Variants in CEP250 observed in about 807,000 individuals in gnomAD.
CEP250 encodes centrosome-associated protein CEP250.
Under a neutral mutation model 315.7 loss-of-function variants are expected in CEP250, and 242 were observed. The observed-to-expected ratio is 0.77, with a 90% CI of 0.69 to 0.85. CEP250 has a LOEUF of 0.85. Ranked by LOEUF, CEP250 falls within the 40% of genes least tolerant of loss-of-function variation. The pLI, the probability that CEP250 is intolerant of heterozygous loss-of-function variation, is 0.00. For synonymous variants in CEP250, 1,088 were observed against 1,175.0 expected (o/e 0.93, Z 1.51); for missense variants, 2,515 against 2,886.4 (o/e 0.87, Z 2.95).
chr20:35,458,966 C>CTTTTTTTTTTTTT lies in CEP250; in HGVS notation c.-227+608_-227+620dup, dbSNP rs778598883. 8.4e-5 allele frequency among the ~76,000 whole-genome samples: 5 copies of CTTTTTTTTTTTTT among 59,228 alleles called. 1 individual carries two copies. Among genetic ancestry groups the CTTTTTTTTTTTTT allele is most frequent in the African/African-American group, 3.8e-4 (5 of 13,286 alleles). 38.9% of individuals were successfully genotyped at this position (59,228 alleles called of 152,430 possible). ...ATGGTATATTTGCTATAATGCAAAT[C>CTTTTTTTTTTTTT]TTTTTTTTTTTTTTTTTTTTTTTTT... is the stretch of plus-strand genomic sequence containing the variant. On this transcript the variant is annotated intron_variant, in intron 2 of 34. Transcript: ENST00000397527.
chr20:35,489,585 T>A (rs2063625642), intron 20 of CEP250, among the ~76,000 whole-genome samples: 1 of 152,142 alleles, frequency 6.6e-6, no homozygotes, highest in African/African-American at 2.4e-5. Context: ...GATTAAAGAT[T>A]CTCCACCCAG....
intron 12 of CEP250, 105 bp downstream of exon 12, chr20:35,472,936 C>T (rs2063061904): frequency 8.7e-7 from 1 of 1,146,236 alleles, no homozygotes; most frequent in East Asian, 2.4e-5. Flanking sequence ...CTTTTTTGAC[C>T]AGTCATGAGG....
In CEP250 at chr20:35,510,063, TG is replaced by T. The variant is rs769065638; in HGVS notation, c.7065+11del. On this transcript the variant is annotated intron_variant, in intron 34 of 34. Transcript: ENST00000397527. ...CTGAACTGCAGAAAGAGGTATGTTC[TG>T]GATTTTCTAAGCCCATATTCCCTCC... 7.4e-6 allele frequency: 12 copies of T among 1,613,800 alleles called. No individual in the cohort carries two copies. The highest frequency in any genetic ancestry group is 1.6e-4 in the Middle Eastern group (1 of 6,066).
chr20:35,496,840 C>T, intron 25 of CEP250, 125 bp downstream of exon 25: 1 of 1,074,646 alleles, frequency 9.3e-7, no homozygotes, highest in South Asian at 1.8e-5. Context: ...ACAGGATAGG[C>T]TGGTGCCTCA....
chr20:35,491,487 G>A (rs2063692928), intron 22 of CEP250, 141 bp downstream of exon 22: 1 of 946,262 alleles, frequency 1.1e-6, no homozygotes, highest in Non-Finnish European at 1.6e-6. Flanking sequence ...GTATGGCACA[G>A]GCTGGGCAGG....
intron 30 of CEP250, among the ~76,000 whole-genome samples, chr20:35,505,419 G>T (rs59777799): frequency 6.6e-6 from 1 of 152,118 alleles, no homozygotes; most frequent in East Asian, 1.9e-4. Flanking sequence ...TTGGGAAGCC[G>T]AGGCGGGCAG....
chr20:35,518,766 C>T lies in CEP250; in HGVS notation c.*7140C>T, dbSNP rs2064454818. The T allele has an allele frequency of 6.6e-6, 1 of 152,162 alleles. No homozygotes were observed. Among genetic ancestry groups the T allele is most frequent in the Non-Finnish European group, 1.5e-5 (1 of 68,044 alleles). The allele number at this position is 152,162 out of a possible 1,614,324, so 9.4% of individuals were successfully genotyped here. A position where few individuals can be genotyped will look rare whatever the true frequency, so the allele number is the denominator to read the frequency against. ...AAAAATCAGGCTGAGTGCAGTGGCT[C>T]ACGCCTGTAATCCTAGCACTTGTGG... On this transcript the variant is annotated 3_prime_UTR_variant, in exon 35 of 35. Coordinates refer to ENST00000397527, the MANE Select transcript of CEP250 (RefSeq NM_007186.6).
At position 35,514,384 on chromosome 20, in the gene CEP250, C is replaced by T. The variant is rs563990909; in HGVS notation, c.*2758C>T. 3 of 152,410 alleles carry T rather than the reference C, an allele frequency of 2.0e-5. No individual in the cohort carries two copies. In the South Asian group the frequency reaches 6.2e-4, roughly 32 times the overall value. 9.4% of individuals were successfully genotyped at this position (152,410 alleles called of 1,614,324 possible). On this transcript the variant is annotated 3_prime_UTR_variant, in exon 35 of 35. Coordinates refer to ENST00000397527, the MANE Select transcript of CEP250 (RefSeq NM_007186.6). Reference sequence around the variant, plus strand: ...CTTGCAGAAAACTTTTTTCCCCCTTCCTAATCTTGTCTGCTTTGATAGAAG... The same window carrying T: ...CTTGCAGAAAACTTTTTTCCCCCTTTCTAATCTTGTCTGCTTTGATAGAAG...
At chr20:35,482,819 C>T (rs1375888391) in intron 20 of CEP250, among the ~76,000 whole-genome samples, 1 of 152,090 alleles carries the variant, frequency 6.6e-6, no homozygotes, top group Non-Finnish European at 1.5e-5. Flanking sequence ...ACCTCGGCCT[C>T]CCAAAGGGCT....
rs1315289546 is a variant in CEP250 at position 35,515,942 on chromosome 20, G to A, written c.*4316G>A. ...TGAGGATGAGAGGTGAGACTTCGTT[G>A]GACTGTGCTCCTGGCCAGTTGATCT... On this transcript the variant is annotated 3_prime_UTR_variant, in exon 35 of 35. Coordinates refer to ENST00000397527, the MANE Select transcript of CEP250 (RefSeq NM_007186.6). The A allele has an allele frequency of 6.6e-6, 1 of 152,246 alleles. No homozygotes were observed. Among genetic ancestry groups the A allele is most frequent in the Non-Finnish European group, 1.5e-5 (1 of 68,056 alleles). The allele number at this position is 152,246 out of a possible 1,614,324, so 9.4% of individuals were successfully genotyped here. A position where few individuals can be genotyped will look rare whatever the true frequency, so the allele number is the denominator to read the frequency against.
chr20:35,502,249 T>G (rs1280859239), intron 29 of CEP250, 141 bp from the exon 30 acceptor site: 2 of 772,630 alleles, frequency 2.6e-6, no homozygotes, highest in African/African-American at 3.6e-5. Context: ...CAGTATCAGC[T>G]TAAGTGGAAT....
chr20:35,493,390 C>A, intron 22 of CEP250, 39 bp from the exon 23 acceptor site: 1 of 1,483,514 alleles, frequency 6.7e-7, no homozygotes, highest in Non-Finnish European at 9.0e-7. Flanking sequence ...TTCTATGACA[C>A]AGATTTCCTC....
chr20:35,506,523 C>T (rs565995715), intron 30 of CEP250, among the ~76,000 whole-genome samples: 28 of 152,230 alleles, frequency 1.8e-4, no homozygotes, highest in African/African-American at 5.1e-4. Context: ...TTCCAAAAGA[C>T]GCCCAGTCCA....
intron 30 of CEP250, 95 bp downstream of exon 30, chr20:35,505,100 G>A: frequency 6.6e-6 from 7 of 1,068,152 alleles, no homozygotes; most frequent in Non-Finnish European, 9.3e-6. Flanking sequence ...TGGCACCTCA[G>A]GGGTATGAGA....
chr20:35,491,897 A>G lies in CEP250; in HGVS notation c.2889+551A>G, dbSNP rs1327627296. ...AGCCTTGGTGATAGAGCGAGTCTCA[A>G]AAAAAAAAAAAAAAAAAAAAAGGTG... On this transcript the variant is annotated intron_variant, in intron 22 of 34. Coordinates refer to ENST00000397527, the MANE Select transcript of CEP250 (RefSeq NM_007186.6). 4.0e-5 allele frequency among the ~76,000 whole-genome samples: 6 copies of G among 149,228 alleles called. No homozygotes were observed. In the Admixed American group the frequency reaches 4.0e-4, roughly 10 times the overall value.
At chr20:35,479,623 C>T (rs1568786595) in intron 18 of CEP250, 23 bp from the exon 19 acceptor site, 1 of 1,613,466 alleles carries the variant, frequency 6.2e-7, no homozygotes, top group Non-Finnish European at 8.5e-7. Context: ...GTAAGAAACT[C>T]TTCTGATTCC....
At chr20:35,475,730 A>C (rs1280585245) in intron 15 of CEP250, 84 bp downstream of exon 15, 1 of 1,431,928 alleles carries the variant, frequency 7.0e-7, no homozygotes, top group East Asian at 2.3e-5. Context: ...TTCACCTTCA[A>C]GCCAGGATCC....
intron 14 of CEP250, 24 bp downstream of exon 14, chr20:35,474,076 C>T (rs781401966): frequency 2.0e-6 from 3 of 1,492,040 alleles, no homozygotes; most frequent in Admixed American, 2.8e-5. Flanking sequence ...GTCTCCTCCT[C>T]GCTGGGCCCT....
At chr20:35,458,575 T>TAC (rs145262712) in intron 2 of CEP250, among the ~76,000 whole-genome samples, 151,711 of 152,358 alleles carry the variant, frequency 1, 75,539 homozygotes, top group Middle Eastern at 1. Flanking sequence ...TCCAATTTGT[T>TAC]AGTTTGCCAG....
Sources: gnomAD v4.1 joint callset for allele counts (sites outside exome capture counted in the v4.1 genomes callset) on GRCh38, gnomAD v4.1.1 for gene constraint, MANE v1.5 for transcripts, NCBI Gene and HGNC (gene_info 2026-07-23, HGNC 2026-07-21) for gene names.